MEIKIN: variants seen among roughly 807,000 people sequenced by gnomAD.
MEIKIN encodes meiosis-specific kinetochore protein.
intron 7 of MEIKIN, among the ~76,000 whole-genome samples, chr5:131,914,984 A>G (rs1382522730): frequency 6.6e-6 from 1 of 152,150 alleles, no homozygotes; most frequent in Non-Finnish European, 1.5e-5. Flanking sequence ...AAACAACATA[A>G]CAAGAAGAGC....
intron 5 of MEIKIN, among the ~76,000 whole-genome samples, chr5:131,931,724 T>G (rs1248582797): frequency 6.6e-6 from 1 of 152,148 alleles, no homozygotes; most frequent in African/African-American, 2.4e-5. Context: ...TTTTCTGAAT[T>G]TTTCACAAAG....
intron 4 of MEIKIN, among the ~76,000 whole-genome samples, chr5:131,941,182 A>G (rs545043945): frequency 2.2e-4 from 21 of 94,670 alleles, no homozygotes; most frequent in African/African-American, 1.0e-3. Context: ...TTTTGTGACG[A>G]AGTCTCGCTG....
chr5:131,830,798 A>G (rs1276498731), intron 11 of MEIKIN, among the ~76,000 whole-genome samples: 1 of 152,244 alleles, frequency 6.6e-6, no homozygotes, highest in Non-Finnish European at 1.5e-5. Context: ...GATGAGTGGA[A>G]GTCTGTTTCT....
rs375765946 is a variant in MEIKIN at position 131,821,630 on chromosome 5, C to CTTTTTTT, written c.976-2774_976-2768dup. 4.0e-5 allele frequency among the ~76,000 whole-genome samples: 2 copies of CTTTTTTT among 50,452 alleles called. 1 individual carries two copies. The highest frequency in any genetic ancestry group is 2.4e-4 in the African/African-American group (2 of 8,262). 33.1% of individuals were successfully genotyped at this position (50,452 alleles called of 152,430 possible). On this transcript the variant is annotated intron_variant, in intron 11 of 12. Coordinates refer to ENST00000442687, the MANE Select transcript of MEIKIN (RefSeq NM_001303622.2). ...TAGCTATTGTTATATTGAGGTCTGC[C>CTTTTTTT]TTTTTTTTTTTTTTTTTTTTTTTTT...
intron 4 of MEIKIN, among the ~76,000 whole-genome samples, chr5:131,939,174 G>A (rs572184480): frequency 6.6e-6 from 1 of 152,134 alleles, no homozygotes; most frequent in Admixed American, 6.5e-5. Context: ...AGACTACCAG[G>A]GTGGGAAGAA....
chr5:131,830,991 G>A (rs191191509), intron 11 of MEIKIN, among the ~76,000 whole-genome samples: 1 of 152,070 alleles, frequency 6.6e-6, no homozygotes, highest in Admixed American at 6.5e-5. Context: ...TCTGCCTCCT[G>A]GGTTCAAGTG....
chr5:131,889,299 G>A (rs942261114), intron 8 of MEIKIN, among the ~76,000 whole-genome samples: 1 of 152,122 alleles, frequency 6.6e-6, no homozygotes, highest in Non-Finnish European at 1.5e-5. Context: ...AATTACCTGG[G>A]GCAGTATGGC....
chr5:131,926,896 CTT>C (rs1434706148), intron 5 of MEIKIN, among the ~76,000 whole-genome samples: 1 of 152,000 alleles, frequency 6.6e-6, no homozygotes, highest in African/African-American at 2.4e-5. Flanking sequence ...TTTATTGAGT[CTT>C]CTTTTCTTAA....
intron 4 of MEIKIN, among the ~76,000 whole-genome samples, chr5:131,937,642 A>G (rs1187015019): frequency 6.6e-6 from 1 of 151,858 alleles, no homozygotes; most frequent in Non-Finnish European, 1.5e-5. Flanking sequence ...ACAACTTTTG[A>G]GTGGGAGTCC....
At chr5:131,821,892 T>TAGG (rs774272027) in intron 11 of MEIKIN, among the ~76,000 whole-genome samples, 14 of 152,188 alleles carry the variant, frequency 9.2e-5, no homozygotes, top group Non-Finnish European at 1.9e-4. Context: ...CCCAAAGTGC[T>TAGG]AGGATTACAG....
At chr5:131,906,259 T>C (rs184853202) in intron 8 of MEIKIN, among the ~76,000 whole-genome samples, 3 of 152,162 alleles carry the variant, frequency 2.0e-5, no homozygotes, top group Non-Finnish European at 2.9e-5. Context: ...CCGACAAACA[T>C]GCAAAAATGC....
chr5:131,840,121 C>T (rs1219785175), intron 11 of MEIKIN, among the ~76,000 whole-genome samples: 1 of 152,174 alleles, frequency 6.6e-6, no homozygotes, highest in African/African-American at 2.4e-5. Flanking sequence ...ACTTATGAAT[C>T]TTAGTTTGGC....
At chr5:131,893,966 C>T (rs1750986819) in intron 8 of MEIKIN, among the ~76,000 whole-genome samples, 1 of 152,148 alleles carries the variant, frequency 6.6e-6, no homozygotes, top group African/African-American at 2.4e-5. Flanking sequence ...GTCATGAAGT[C>T]TTTGCCCATG....
At position 131,838,360 on chromosome 5, in the gene MEIKIN, G is replaced by A. The variant is rs536890800; in HGVS notation, c.975+12904C>T. 2.6e-5 allele frequency among the ~76,000 whole-genome samples: 4 copies of A among 152,040 alleles called. No individual in the cohort carries two copies. In the East Asian group the frequency reaches 5.8e-4, roughly 22 times the overall value. On this transcript the variant is annotated intron_variant, in intron 11 of 12. Transcript: ENST00000442687. ...CAGGTTTTGGTATCAGGATGATGCC[G>A]GCCTCATAGAATAAGTTAGAGGGGA...
At chr5:131,853,094 T>C (rs545143551) in intron 10 of MEIKIN, among the ~76,000 whole-genome samples, 8 of 152,330 alleles carry the variant, frequency 5.3e-5, no homozygotes, top group African/African-American at 1.9e-4. Context: ...CTGATAAGTG[T>C]AAGAATGTCA....
chr5:131,935,284 A>AG, intron 4 of MEIKIN, among the ~76,000 whole-genome samples: 1 of 150,688 alleles, frequency 6.6e-6, no homozygotes, highest in African/African-American at 2.4e-5. Context: ...AAAAAAAAAA[A>AG]AAAAAGAAAG....
At chr5:131,887,154 C>A (rs547470834) in intron 8 of MEIKIN, among the ~76,000 whole-genome samples, 1 of 152,184 alleles carries the variant, frequency 6.6e-6, no homozygotes, top group South Asian at 2.1e-4. Context: ...CTGCAAAGGA[C>A]ATGAACTCAT....
intron 11 of MEIKIN, among the ~76,000 whole-genome samples, chr5:131,825,277 C>T (rs1014777689): frequency 5.9e-5 from 9 of 152,250 alleles, no homozygotes; most frequent in Non-Finnish European, 1.2e-4. Flanking sequence ...GAGACCTTAA[C>T]AAAATCCAGA....
intron 11 of MEIKIN, among the ~76,000 whole-genome samples, chr5:131,845,719 A>T (rs1371845131): frequency 6.6e-6 from 1 of 152,148 alleles, no homozygotes; most frequent in African/African-American, 2.4e-5. Context: ...ACTTGAAAAT[A>T]GGACAATGAA....
Sources: allele counts gnomAD v4.1 joint callset (sites outside exome capture counted in the v4.1 genomes callset), GRCh38; gene constraint gnomAD v4.1.1; transcripts MANE v1.5; gene names NCBI Gene and HGNC (gene_info 2026-07-23, HGNC 2026-07-21).